Variants in USP45 observed in about 807,000 individuals in gnomAD.
USP45 encodes the protein ubiquitin carboxyl-terminal hydrolase 45.
A neutral mutation model predicts 95.8 loss-of-function variants in USP45; 89 were observed. That is an observed-to-expected ratio of 0.93 (90% CI 0.78 to 1.11). The LOEUF (loss-of-function observed/expected upper bound fraction) is 1.11. Among genes scored for constraint, USP45 ranks in the 50% least tolerant of loss-of-function variants. USP45 has a pLI of 0.00. For missense variants in USP45, 898 were observed against 942.5 expected (o/e 0.95, Z 0.62); for synonymous variants, 281 against 316.2 (o/e 0.89, Z 1.18).
chr6:99,464,491 A>T (rs1787392097), intron 13 of USP45, 113 bp downstream of exon 13: 1 of 1,197,044 alleles, frequency 8.4e-7, no homozygotes, highest in Non-Finnish European at 1.1e-6. Flanking sequence ...ATGAAGCCAA[A>T]AAATGGGTAC....
At chr6:99,465,217 C>A in intron 11 of USP45, 81 bp from the exon 12 acceptor site, 1 of 1,210,338 alleles carries the variant, frequency 8.3e-7, no homozygotes, top group Non-Finnish European at 1.1e-6. Flanking sequence ...AGAAATCAAA[C>A]TTCCCGGGCA....
At chr6:99,488,344 C>T in intron 6 of USP45, 49 bp from the exon 7 acceptor site, 1 of 1,233,706 alleles carries the variant, frequency 8.1e-7, no homozygotes, top group Non-Finnish European at 1.1e-6. Flanking sequence ...AAATATGCCT[C>T]TGATTTTATG....
intron 1 of USP45, among the ~76,000 whole-genome samples, chr6:99,511,895 T>G (rs889488785): frequency 7.2e-6 from 1 of 138,240 alleles, no homozygotes; most frequent in African/African-American, 2.5e-5. Flanking sequence ...ATACACATAG[T>G]TGAACTATTT....
At position 99,488,316 on chromosome 6, in the gene USP45, A is replaced by G. The variant is rs771775175; in HGVS notation, c.619-21T>C. On this transcript the variant is annotated intron_variant, in intron 6 of 17. Coordinates refer to ENST00000500704, the MANE Select transcript of USP45 (RefSeq NM_001346022.3). Reference sequence around the variant, plus strand: ...AAGTTCTAAAAGAAAACAAAATTAAAGTCTTCAGATTCAGTTAAAATATGC... The same window carrying G: ...AAGTTCTAAAAGAAAACAAAATTAAGGTCTTCAGATTCAGTTAAAATATGC... 1.5e-5 allele frequency: 22 copies of G among 1,513,640 alleles called. 1 individual carries two copies. The South Asian group carries it at 2.6e-4, about 18-fold the overall frequency. The allele number at this position is 1,513,640 out of a possible 1,614,324, so 93.8% of individuals were successfully genotyped here.
At chr6:99,445,132 T>C (rs1782245733) in intron 14 of USP45, among the ~76,000 whole-genome samples, 1 of 152,224 alleles carries the variant, frequency 6.6e-6, no homozygotes, top group Non-Finnish European at 1.5e-5. Context: ...TTACAACAGA[T>C]TGATAGGATC....
intron 8 of USP45, among the ~76,000 whole-genome samples, chr6:99,481,287 G>C (rs1022486470): frequency 1.3e-5 from 2 of 152,190 alleles, no homozygotes; most frequent in African/African-American, 4.8e-5. Context: ...ATATGTCTGT[G>C]TATGTATGAT....
intron 1 of USP45, among the ~76,000 whole-genome samples, chr6:99,514,439 T>C (rs527806209): frequency 1.4e-4 from 22 of 152,314 alleles, no homozygotes; most frequent in African/African-American, 4.8e-4. Flanking sequence ...AGCACCAACA[T>C]TGCAAGCAGT....
chr6:99,433,046 G>A lies in USP45; in HGVS notation c.*2670C>T, dbSNP rs1437859274. ...TCTCACTCCGTCACTCTGCAGGAAT[G>A]CAGTGGTGTGATCATGGTTCACTGC... On this transcript the variant is annotated 3_prime_UTR_variant, in exon 18 of 18. Coordinates refer to ENST00000500704, the MANE Select transcript of USP45 (RefSeq NM_001346022.3). 6.6e-6 allele frequency: 1 copy of A among 152,168 alleles called. No homozygotes were observed. The highest frequency in any genetic ancestry group is 1.5e-5 in the Non-Finnish European group (1 of 68,018). The allele number at this position is 152,168 out of a possible 1,614,324, so 9.4% of individuals were successfully genotyped here. A position where few individuals can be genotyped will look rare whatever the true frequency, so the allele number is the denominator to read the frequency against.
At chr6:99,506,259 C>T (rs771393837) in intron 4 of USP45, among the ~76,000 whole-genome samples, 1 of 152,198 alleles carries the variant, frequency 6.6e-6, no homozygotes, top group Non-Finnish European at 1.5e-5. Flanking sequence ...GGAAGCATTT[C>T]AACATAGTGT....
At chr6:99,467,268 C>T (rs1583168663) in intron 10 of USP45, among the ~76,000 whole-genome samples, 1 of 151,976 alleles carries the variant, frequency 6.6e-6, no homozygotes, top group East Asian at 1.9e-4. Context: ...TAAAAAAATG[C>T]CAATGACTTA....
chr6:99,491,386 A>G lies in USP45; in HGVS notation c.479-2566T>C, dbSNP rs149022628. ...AGACAGAACAGTCTGCTTCTTGTTTATATCTGAGACTGTAAATAGAACCTA... is the reference window on the plus strand; with the variant it reads ...AGACAGAACAGTCTGCTTCTTGTTTGTATCTGAGACTGTAAATAGAACCTA... On this transcript the variant is annotated intron_variant, in intron 5 of 17. Coordinates refer to ENST00000500704, the MANE Select transcript of USP45 (RefSeq NM_001346022.3). 4.1e-4 allele frequency among the ~76,000 whole-genome samples: 63 copies of G among 152,354 alleles called. 1 individual carries two copies. Among genetic ancestry groups the G allele is most frequent in the African/African-American group, 1.5e-3 (61 of 41,590 alleles).
In USP45 at chr6:99,437,320, T is replaced by TA. The variant is rs769504561; in HGVS notation, c.2239dup (p.Tyr747LeufsTer18). ...TGTTCTCACTTTCACATAAGCAGTGTAGTGGCCTTCTCTCATCGAGCCACT... is the reference window on the plus strand; with the variant it reads ...TGTTCTCACTTTCACATAAGCAGTGTAAGTGGCCTTCTCTCATCGAGCCACT... On this transcript the variant is annotated frameshift_variant, in exon 17 of 18. Coordinates refer to ENST00000500704, the MANE Select transcript of USP45 (RefSeq NM_001346022.3). LOFTEE classifies it high-confidence loss of function. 18 of 1,613,940 alleles carry TA rather than the reference T, an allele frequency of 1.1e-5. No individual in the cohort carries two copies. The highest frequency in any genetic ancestry group is 1.5e-5 in the Non-Finnish European group (18 of 1,179,968).
At chr6:99,516,090 C>G (rs2209156), upstream of USP45, among the ~76,000 whole-genome samples, 78,389 of 151,752 alleles carry the variant, frequency 0.52, 21,404 homozygotes, top group Middle Eastern at 0.69. Flanking sequence ...CCCCCACACC[C>G]CCGCCGCCCC....
chr6:99,489,532 T>C (rs896133616), intron 5 of USP45, among the ~76,000 whole-genome samples: 2 of 152,210 alleles, frequency 1.3e-5, no homozygotes, highest in Admixed American at 6.5e-5. Flanking sequence ...AAAATGTTCA[T>C]ATTAAAAGTT....
At chr6:99,478,956 T>C (rs1791591521) in intron 8 of USP45, among the ~76,000 whole-genome samples, 1 of 151,532 alleles carries the variant, frequency 6.6e-6, no homozygotes. Flanking sequence ...GAGTACACCC[T>C]GTATGATTCC....
chr6:99,501,904 T>C, intron 5 of USP45: 1 of 1,277,542 alleles, frequency 7.8e-7, no homozygotes, highest in Non-Finnish European at 1.0e-6. Flanking sequence ...CTGTTATTCA[T>C]GATGGGTCCC....
rs1168704775 is a variant in USP45 at position 99,455,876 on chromosome 6, T to G, written c.1308+8728A>C. ...TGGGGCAGGCGCAGTGGCTCACACC[T>G]GTAATCCCAGCACTTTGGGAGACTG... is the stretch of plus-strand genomic sequence containing the variant. On this transcript the variant is annotated intron_variant, in intron 13 of 17. Transcript: ENST00000500704. Among the ~76,000 whole-genome samples the G allele has an allele frequency of 2.1e-5, 3 of 143,472 alleles. No homozygotes were observed. In the East Asian group the frequency reaches 6.3e-4, roughly 30 times the overall value. 94.1% of individuals were successfully genotyped at this position (143,472 alleles called of 152,430 possible). A position where few individuals can be genotyped will look rare whatever the true frequency, so the allele number is the denominator to read the frequency against.
intron 16 of USP45, among the ~76,000 whole-genome samples, chr6:99,439,037 C>T (rs1446063968): frequency 6.6e-6 from 1 of 152,206 alleles, no homozygotes; most frequent in Non-Finnish European, 1.5e-5. Flanking sequence ...TGGTATTCCA[C>T]AGCAGATACA....
intron 15 of USP45, among the ~76,000 whole-genome samples, chr6:99,440,299 AT>A (rs1259544236): frequency 2.0e-5 from 3 of 152,216 alleles, no homozygotes; most frequent in African/African-American, 7.2e-5. Flanking sequence ...AATTATATTC[AT>A]TCATTAAAAC....
Sources: gnomAD v4.1 joint callset for allele counts (sites outside exome capture counted in the v4.1 genomes callset) on GRCh38, gnomAD v4.1.1 for gene constraint, MANE v1.5 for transcripts, NCBI Gene and HGNC (gene_info 2026-07-23, HGNC 2026-07-21) for gene names.